CEACAM1: variants seen among roughly 807,000 people sequenced by gnomAD.
CEACAM1 encodes cell adhesion molecule CEACAM1.
In CEACAM1, 31 loss-of-function variants were observed where a neutral mutation model predicts 49.1. The ratio of observed to expected loss-of-function variants is 0.63; its 90% CI spans 0.47 to 0.85. The LOEUF (loss-of-function observed/expected upper bound fraction) is 0.85, where lower values mean the gene tolerates loss of function less well. Among genes scored for constraint, CEACAM1 ranks in the 40% least tolerant of loss-of-function variants. The probability of loss-of-function intolerance (pLI) is 0.00; values close to 1 mark genes in which losing one functional copy is unlikely to be tolerated. For synonymous variants in CEACAM1, 244 were observed against 247.8 expected (o/e 0.98, Z 0.14); for missense variants, 570 against 645.3 (o/e 0.88, Z 1.26).
chr19:42,523,697 T>G (rs1238777006), intron 2 of CEACAM1, among the ~76,000 whole-genome samples: 12 of 152,212 alleles, frequency 7.9e-5, no homozygotes, highest in Admixed American at 7.9e-4. Flanking sequence ...GGGATATAAA[T>G]TTGAGAAGTT....
rs2041943122 is a variant in CEACAM1, at chr19:42,528,222, C to G, written c.64+89G>C. 7 of 1,130,920 alleles carry G rather than the reference C, an allele frequency of 6.2e-6. No homozygotes were observed. The East Asian group carries it at 1.7e-4, about 27-fold the overall frequency. 70.1% of individuals were successfully genotyped at this position (1,130,920 alleles called of 1,614,324 possible). ...TTTGGCTCCAAGAGAAGCCCTCTGT[C>G]CCCTCTTAGAGCTCCATCCTCCCCA... On this transcript the variant is annotated intron_variant, in intron 1 of 8. Coordinates refer to ENST00000161559, the MANE Select transcript of CEACAM1 (RefSeq NM_001712.5).
At chr19:42,526,532 C>A (rs2041895273) in intron 2 of CEACAM1, among the ~76,000 whole-genome samples, 1 of 152,228 alleles carries the variant, frequency 6.6e-6, no homozygotes, top group Admixed American at 6.5e-5. Flanking sequence ...GCTCCAGGAG[C>A]CACAGCCCTC....
chr19:42,512,589 A>T, intron 5 of CEACAM1, 110 bp from the exon 6 acceptor site: 1 of 1,123,598 alleles, frequency 8.9e-7, no homozygotes. Flanking sequence ...TTCAAGGAAT[A>T]CAGTTTCGTT....
intron 6 of CEACAM1, 42 bp from the exon 7 acceptor site, chr19:42,511,670 A>G (rs778812238): frequency 2.5e-5 from 40 of 1,594,018 alleles, no homozygotes; most frequent in Admixed American, 3.3e-5. Context: ...TCCCAAGCAC[A>G]GGATCTTTGT....
At chr19:42,518,182 T>C (rs2041645460) in intron 5 of CEACAM1, among the ~76,000 whole-genome samples, 1 of 152,106 alleles carries the variant, frequency 6.6e-6, no homozygotes, top group South Asian at 2.1e-4. Context: ...CCCAGCACTT[T>C]GGGAGGCCGA....
chr19:42,512,340 G>A lies in CEACAM1; in HGVS notation c.1376+10C>T, dbSNP rs770481559. ...TGGAGGAAACAGAACAAGAGGAAAG[G>A]CCATCATACCTGCCGGTCTTCCCGA... On this transcript the variant is annotated intron_variant, in intron 6 of 8. Coordinates refer to ENST00000161559, the MANE Select transcript of CEACAM1 (RefSeq NM_001712.5). 53 of 1,613,732 alleles carry A rather than the reference G, an allele frequency of 3.3e-5. 1 individual carries two copies. In the South Asian group the frequency reaches 5.8e-4, roughly 18 times the overall value.
chr19:42,523,498 A>G (rs537494610), intron 2 of CEACAM1, among the ~76,000 whole-genome samples: 1 of 152,196 alleles, frequency 6.6e-6, no homozygotes, highest in South Asian at 2.1e-4. Flanking sequence ...ATTTAACAGC[A>G]TATCTACGTT....
chr19:42,528,465 T>A lies in CEACAM1; in HGVS notation c.-91A>T, dbSNP rs2041949875. 1 of 1,274,064 alleles carries A rather than the reference T, an allele frequency of 7.8e-7. No individual in the cohort carries two copies. The highest frequency in any genetic ancestry group is 1.1e-6 in the Non-Finnish European group (1 of 880,566). The allele number at this position is 1,274,064 out of a possible 1,614,324, so 78.9% of individuals were successfully genotyped here. A position where few individuals can be genotyped will look rare whatever the true frequency, so the allele number is the denominator to read the frequency against. On this transcript the variant is annotated 5_prime_UTR_variant, in exon 1 of 9. Transcript: ENST00000161559. ...ACGGCTGCTCTGTCACCTCTGCTGT[T>A]TTCCACTCTCTGTGCTGAGCCTCCT...
intron 5 of CEACAM1, among the ~76,000 whole-genome samples, chr19:42,514,571 T>C (rs2041552047): frequency 6.6e-6 from 1 of 152,230 alleles, no homozygotes; most frequent in African/African-American, 2.4e-5. Context: ...AGCCACTGTG[T>C]CTAGCCTATT....
chr19:42,515,024 A>C (rs2041563949), intron 5 of CEACAM1: 2 of 680,920 alleles, frequency 2.9e-6, no homozygotes, highest in South Asian at 3.1e-5. Context: ...TAATCTCAGC[A>C]CTTTGGGAAA....
intron 2 of CEACAM1, among the ~76,000 whole-genome samples, chr19:42,523,589 G>A (rs1054335996): frequency 6.6e-6 from 1 of 152,208 alleles, no homozygotes; most frequent in African/African-American, 2.4e-5. Context: ...GAAATATGTG[G>A]GTTTTTTGCA....
At position 42,511,592 on chromosome 19, in the gene CEACAM1, G is replaced by A; in HGVS notation, c.1413C>T (p.Pro471=). ...SDQRDLTEHK[P]SVSNHTQDHS... Reference sequence around the variant, plus strand: ...TTTACTTACTGTGGTTGGAGACTGAGGGTTTGTGCTCTGTGAGATCACGCT... The same window carrying A: ...TTTACTTACTGTGGTTGGAGACTGAAGGTTTGTGCTCTGTGAGATCACGCT... Residue 471 remains proline (P), a synonymous_variant, in exon 7 of 9, where the codon CCC becomes CCT. Transcript: ENST00000161559. 1 of 1,613,982 alleles carries A rather than the reference G, an allele frequency of 6.2e-7. No homozygotes were observed. Among genetic ancestry groups the A allele is most frequent in the South Asian group, 1.1e-5 (1 of 91,080 alleles).
chr19:42,517,304 C>T (rs1036826251), intron 5 of CEACAM1, among the ~76,000 whole-genome samples: 16 of 151,900 alleles, frequency 1.1e-4, no homozygotes, highest in Admixed American at 2.0e-4. Context: ...GCATAGGCAA[C>T]GAAAGAAGAA....
intron 5 of CEACAM1, among the ~76,000 whole-genome samples, chr19:42,515,855 G>T (rs2041587844): frequency 6.6e-6 from 1 of 152,076 alleles, no homozygotes; most frequent in African/African-American, 2.4e-5. Flanking sequence ...GGATAACCTG[G>T]ATGAAATGAA....
intron 5 of CEACAM1, among the ~76,000 whole-genome samples, chr19:42,517,484 C>G (rs2041628092): frequency 6.6e-6 from 1 of 152,134 alleles, no homozygotes; most frequent in Non-Finnish European, 1.5e-5. Flanking sequence ...AACCAAAAAT[C>G]CCCAAACAAC....
At chr19:42,514,155 G>A (rs897846449) in intron 5 of CEACAM1, among the ~76,000 whole-genome samples, 3 of 140,360 alleles carry the variant, frequency 2.1e-5, no homozygotes, top group African/African-American at 8.4e-5. Flanking sequence ...TTTTGAGACC[G>A]AGTTTTGCTC....
chr19:42,518,594 T>G (rs1240554260), intron 5 of CEACAM1: 3 of 267,696 alleles, frequency 1.1e-5, no homozygotes, highest in Non-Finnish European at 2.2e-5. Context: ...GCCTCCCAGG[T>G]TCACGCCATT....
intron 4 of CEACAM1, chr19:42,519,450 T>C (rs1444076914): frequency 1.8e-6 from 1 of 565,612 alleles, no homozygotes; most frequent in African/African-American, 1.9e-5. Flanking sequence ...TGCACCTCCC[T>C]CCTGACCCCA....
chr19:42,523,870 G>A (rs550057594), intron 2 of CEACAM1, among the ~76,000 whole-genome samples: 1 of 152,324 alleles, frequency 6.6e-6, no homozygotes, highest in East Asian at 1.9e-4. Context: ...TTTGAAATCA[G>A]TGACTCCCTG....
Sources: gnomAD v4.1 joint callset for allele counts (sites outside exome capture counted in the v4.1 genomes callset) on GRCh38, gnomAD v4.1.1 for gene constraint, MANE v1.5 for transcripts, NCBI Gene and HGNC (gene_info 2026-07-23, HGNC 2026-07-21) for gene names.